The following ENOX2 variants were observed in gnomAD, a reference collection of about 807,000 sequenced individuals.
The protein encoded by ENOX2 is ecto-NOX disulfide-thiol exchanger 2, also known as APK1 antigen.
Under a neutral mutation model 45.0 loss-of-function variants are expected in ENOX2, and 36 were observed. The observed-to-expected ratio is 0.80, with a 90% CI of 0.61 to 1.06. The LOEUF (loss-of-function observed/expected upper bound fraction) is 1.06. ENOX2 is among the 50% of genes least tolerant of loss of function. ENOX2 has a pLI of 0.00. For missense variants in ENOX2, 423 were observed against 462.5 expected (o/e 0.91, Z 0.78); for synonymous variants, 174 against 152.3 (o/e 1.14, Z -1.05).
intron 2 of ENOX2, among the ~76,000 whole-genome samples, chrX:130,898,937 T>C (rs891081679): frequency 9.0e-6 from 1 of 110,820 alleles, no homozygotes; most frequent in Non-Finnish European, 1.9e-5. Context: ...TATCAAATTA[T>C]AGTCCCAGCA....
chrX:130,716,543 G>T (rs1162992462), intron 3 of ENOX2, among the ~76,000 whole-genome samples: 1 of 111,972 alleles, frequency 8.9e-6, no homozygotes, highest in African/African-American at 3.2e-5. Context: ...AAGGGGGTAG[G>T]CAGGAGAAGA....
chrX:130,865,727 G>A (rs2078484199), intron 2 of ENOX2, among the ~76,000 whole-genome samples: 1 of 111,307 alleles, frequency 9.0e-6, no homozygotes, highest in Non-Finnish European at 1.9e-5. Flanking sequence ...AATTTGACAT[G>A]GCTGATTTAT....
At chrX:130,648,217 G>A (rs1349223105) in intron 10 of ENOX2, among the ~76,000 whole-genome samples, 1 of 111,045 alleles carries the variant, frequency 9.0e-6, no homozygotes, top group African/African-American at 3.3e-5. Flanking sequence ...AGCACTTTGG[G>A]AGGCCTGAGG....
intron 3 of ENOX2, among the ~76,000 whole-genome samples, chrX:130,763,042 G>A (rs1480006262): frequency 1.8e-5 from 2 of 111,982 alleles, no homozygotes; most frequent in Non-Finnish European, 1.9e-5. Context: ...TGTGTTCTTG[G>A]TGAATTGATA....
Position 130,672,303 on chromosome X carries a change from G to A in ENOX2, c.461-2105C>T, listed in dbSNP as rs1030108832. Reference sequence around the variant, plus strand: ...CCACCTGAGAATTCTAATGGTGACTGGGGACCAGCCTGCCCTCCCTATCGC... The same window carrying A: ...CCACCTGAGAATTCTAATGGTGACTAGGGACCAGCCTGCCCTCCCTATCGC... On this transcript the variant is annotated intron_variant, in intron 6 of 14. Transcript: ENST00000394363. Among the ~76,000 whole-genome samples, 6 of 112,215 alleles carry A rather than the reference G, an allele frequency of 5.3e-5. No homozygotes were observed. In the East Asian group the frequency reaches 1.4e-3, roughly 26 times the overall value.
intron 3 of ENOX2, among the ~76,000 whole-genome samples, chrX:130,731,572 C>A (rs2038739229): frequency 8.9e-6 from 1 of 111,941 alleles, no homozygotes; most frequent in Non-Finnish European, 1.9e-5. Flanking sequence ...CACAGTATCC[C>A]TGAAGAATAC....
At chrX:130,802,562 G>C (rs2077236049) in intron 2 of ENOX2, among the ~76,000 whole-genome samples, 1 of 111,872 alleles carries the variant, frequency 8.9e-6, no homozygotes, top group African/African-American at 3.2e-5. Context: ...TTATTACAAA[G>C]TTAAAATACG....
intron 3 of ENOX2, among the ~76,000 whole-genome samples, chrX:130,735,895 T>C (rs776618589): frequency 7.1e-5 from 8 of 111,902 alleles, no homozygotes; most frequent in Admixed American, 9.5e-5. Flanking sequence ...TATGATTCAA[T>C]TGTTTTTATT....
intron 3 of ENOX2, among the ~76,000 whole-genome samples, chrX:130,713,413 G>C (rs767619883): frequency 2.7e-5 from 3 of 111,607 alleles, no homozygotes; most frequent in Non-Finnish European, 5.6e-5. Context: ...AATAGGTTAA[G>C]GTTGGACCCA....
chrX:130,867,602 A>T (rs1277645879), intron 2 of ENOX2, among the ~76,000 whole-genome samples: 2 of 112,036 alleles, frequency 1.8e-5, no homozygotes, highest in Non-Finnish European at 3.8e-5. Context: ...TAACATCATG[A>T]CTGGCCTCAT....
intron 14 of ENOX2, among the ~76,000 whole-genome samples, chrX:130,627,157 CT>C (rs971006343): frequency 1.9e-4 from 20 of 107,777 alleles, no homozygotes; most frequent in Admixed American, 3.9e-4. Context: ...ATTGCTCCAT[CT>C]TTTTTTTTTG....
At position 130,640,893 on chromosome X, in the gene ENOX2, C is replaced by T. The variant is rs750053941; in HGVS notation, c.1130-3483G>A. 2.1e-4 allele frequency among the ~76,000 whole-genome samples: 23 copies of T among 111,312 alleles called. 1 individual carries two copies. The highest frequency in any genetic ancestry group is 7.5e-4 in the African/African-American group (23 of 30,586). On this transcript the variant is annotated intron_variant, in intron 10 of 14. Transcript: ENST00000394363. ...ATGTGACAAACCTGCAGATCCTGCACATATACCCCTGAACTTTAAATAAAA... is the reference window on the plus strand; with the variant it reads ...ATGTGACAAACCTGCAGATCCTGCATATATACCCCTGAACTTTAAATAAAA...
chrX:130,768,007 G>T (rs1472739518), intron 3 of ENOX2, among the ~76,000 whole-genome samples: 1 of 111,720 alleles, frequency 9.0e-6, no homozygotes, highest in East Asian at 2.8e-4. Flanking sequence ...GGGCTCAAGG[G>T]AGACAGGGTG....
chrX:130,672,837 T>C (rs1428856232), intron 6 of ENOX2, among the ~76,000 whole-genome samples: 1 of 111,679 alleles, frequency 9.0e-6, no homozygotes, highest in Non-Finnish European at 1.9e-5. Context: ...AGAGTTCCCC[T>C]AGCCACTCCT....
chrX:130,722,546 A>T (rs762386240), intron 3 of ENOX2, among the ~76,000 whole-genome samples: 3 of 112,080 alleles, frequency 2.7e-5, no homozygotes, highest in Non-Finnish European at 3.8e-5. Flanking sequence ...GTATCTTGAA[A>T]TCTGTCTTGA....
chrX:130,727,452 A>G (rs1228304185), intron 3 of ENOX2, among the ~76,000 whole-genome samples: 1 of 112,262 alleles, frequency 8.9e-6, no homozygotes, highest in Non-Finnish European at 1.9e-5. Flanking sequence ...TGAAGGTTCA[A>G]CGTGATTAAG....
chrX:130,850,721 T>G (rs1343202323), intron 2 of ENOX2, among the ~76,000 whole-genome samples: 1 of 112,294 alleles, frequency 8.9e-6, no homozygotes, highest in Non-Finnish European at 1.9e-5. Flanking sequence ...AACGAACACG[T>G]TTTATATGTT....
At chrX:130,843,026 T>A (rs775899952) in intron 2 of ENOX2, among the ~76,000 whole-genome samples, 65 of 111,567 alleles carry the variant, frequency 5.8e-4, no homozygotes, top group Non-Finnish European at 1.1e-3. Flanking sequence ...GGGCAACTAA[T>A]CCTCAGATTA....
intron 3 of ENOX2, among the ~76,000 whole-genome samples, chrX:130,755,033 C>A (rs2039321063): frequency 8.9e-6 from 1 of 112,090 alleles, no homozygotes; most frequent in Non-Finnish European, 1.9e-5. Context: ...AGAGTCTGAA[C>A]AGATTGTTTT....
Sources: gnomAD v4.1 joint callset for allele counts (sites outside exome capture counted in the v4.1 genomes callset) on GRCh38, gnomAD v4.1.1 for gene constraint, MANE v1.5 for transcripts, NCBI Gene and HGNC (gene_info 2026-07-23, HGNC 2026-07-21) for gene names.